STRN: variants seen among roughly 807,000 people sequenced by gnomAD.
STRN encodes protein phosphatase 2 regulatory subunit B'''alpha.
A neutral mutation model predicts 96.3 loss-of-function variants in STRN; 53 were observed. The observed-to-expected ratio is 0.55, with a 90% CI of 0.44 to 0.69. The LOEUF is 0.69. Among genes scored for constraint, STRN ranks in the 30% least tolerant of loss-of-function variants. The pLI, the probability that STRN is intolerant of heterozygous loss-of-function variation, is 0.00. For missense variants in STRN, 987 were observed against 963.9 expected (o/e 1.02, Z -0.32); for synonymous variants, 428 against 355.9 (o/e 1.20, Z -2.28).
intron 2 of STRN, among the ~76,000 whole-genome samples, chr2:36,923,399 C>T (rs577178948): frequency 7.0e-6 from 1 of 143,642 alleles, no homozygotes; most frequent in East Asian, 2.1e-4. Context: ...TGCAGTAAGC[C>T]GAGATCACAC....
At chr2:36,899,436 A>G (rs776956566) in intron 6 of STRN, 87 bp downstream of exon 6, 2 of 1,244,602 alleles carry the variant, frequency 1.6e-6, no homozygotes, top group Non-Finnish European at 2.1e-6. Context: ...ACGGGTTAAG[A>G]TTAAAGAACA....
Position 36,956,213 on chromosome 2 carries a change from C to T in STRN, c.234+10017G>A, listed in dbSNP as rs555427619. Among the ~76,000 whole-genome samples, 8 of 152,286 alleles carry T rather than the reference C, an allele frequency of 5.3e-5. No homozygotes were observed. The East Asian group carries it at 1.5e-3, about 29-fold the overall frequency. ...ACTTATATAAATAATAAATCTAATG[C>T]CTTCTGTCCATAGAAATCTCAACCA... On this transcript the variant is annotated intron_variant, in intron 1 of 17. Coordinates refer to ENST00000263918, the MANE Select transcript of STRN (RefSeq NM_003162.4).
intron 10 of STRN, among the ~76,000 whole-genome samples, chr2:36,876,386 G>T (rs1460563812): frequency 1.3e-5 from 2 of 152,100 alleles, no homozygotes; most frequent in African/African-American, 2.4e-5. Context: ...AGAAAAAAAT[G>T]GACCAGGATA....
At chr2:36,925,073 A>G in intron 2 of STRN, 32 bp downstream of exon 2, 1 of 1,582,314 alleles carries the variant, frequency 6.3e-7, no homozygotes, top group Non-Finnish European at 8.7e-7. Context: ...AATAAACAAA[A>G]AAGAACACCA....
intron 1 of STRN, among the ~76,000 whole-genome samples, chr2:36,955,788 G>A (rs1403697090): frequency 1.3e-5 from 2 of 152,066 alleles, no homozygotes; most frequent in Non-Finnish European, 2.9e-5. Context: ...GAAATGCTCG[G>A]GACCAGAAGT....
intron 7 of STRN, among the ~76,000 whole-genome samples, chr2:36,889,645 A>T (rs958625683): frequency 3.3e-5 from 5 of 151,510 alleles, no homozygotes; most frequent in African/African-American, 9.7e-5. Context: ...AGTAGAGTAG[A>T]AGACAGATGG....
rs754613225 is a variant in STRN, at chr2:36,839,973, A to G, written c.*9483T>C. The G allele has an allele frequency of 2.0e-5, 3 of 152,208 alleles. No individual in the cohort carries two copies. The highest frequency in any genetic ancestry group is 6.5e-5 in the Admixed American group (1 of 15,270). The allele number at this position is 152,208 out of a possible 1,614,324, so 9.4% of individuals were successfully genotyped here. A position where few individuals can be genotyped will look rare whatever the true frequency, so the allele number is the denominator to read the frequency against. On this transcript the variant is annotated 3_prime_UTR_variant, in exon 18 of 18. Coordinates refer to ENST00000263918, the MANE Select transcript of STRN (RefSeq NM_003162.4). ...GACAGAGATGTTCCTAGGAGAGTTAATAAACATTGGTACAATTACTATAAA... is the reference window on the plus strand; with the variant it reads ...GACAGAGATGTTCCTAGGAGAGTTAGTAAACATTGGTACAATTACTATAAA...
intron 5 of STRN, 117 bp downstream of exon 5, chr2:36,902,464 TTTA>T: frequency 1.0e-5 from 6 of 584,868 alleles, no homozygotes; most frequent in Non-Finnish European, 1.4e-5. Flanking sequence ...TGTTAGAATT[TTTA>T]TTAAGTTATA....
Position 36,966,452 on chromosome 2 carries a change from C to G in STRN, c.12G>C (p.Gln4His). 1 of 1,463,354 alleles carries G rather than the reference C, an allele frequency of 6.8e-7. No individual in the cohort carries two copies. The highest frequency in any genetic ancestry group is 9.0e-7 in the Non-Finnish European group (1 of 1,109,368). The allele number at this position is 1,463,354 out of a possible 1,614,324, so 90.6% of individuals were successfully genotyped here. Residue 4 changes from glutamine (Q) to histidine (H), a missense_variant, in exon 1 of 18, where the codon CAG (glutamine) becomes CAC (histidine). By Grantham distance (24) the Gln-to-His change is conservative. Coordinates refer to ENST00000263918, the MANE Select transcript of STRN (RefSeq NM_003162.4). ...TGCTGAAGAAGACGCCGGGACCCGC[C>G]TGCTCGTCCATGGCGGCCGCAGATA... MDE[Q>H]AGPGVFFSNN...
chr2:36,849,513 T>C lies in STRN; in HGVS notation c.2286A>G (p.Pro762=), dbSNP rs200126671. The change falls in exon 18 of 18, where the codon CCA becomes CCG. Residue 762 remains proline (P), a synonymous_variant. Coordinates refer to ENST00000263918, the MANE Select transcript of STRN (RefSeq NM_003162.4). ...CAGCACTGGCTATATAGCATTTGGA[T>C]GGGTGGAAAGCTACATCATGAATCG... ...EESIHDVAFH[P]SKCYIASAGA... 2.7e-5 allele frequency: 44 copies of C among 1,614,124 alleles called. No homozygotes were observed. The East Asian group carries it at 8.5e-4, about 31-fold the overall frequency.
chr2:36,883,118 T>C (rs1255063210), intron 9 of STRN, among the ~76,000 whole-genome samples: 1 of 152,194 alleles, frequency 6.6e-6, no homozygotes, highest in South Asian at 2.1e-4. Flanking sequence ...TGTAGAATAA[T>C]GCATATTTTT....
intron 1 of STRN, among the ~76,000 whole-genome samples, chr2:36,951,052 C>A (rs1005352399): frequency 1.3e-5 from 2 of 151,980 alleles, no homozygotes; most frequent in African/African-American, 4.8e-5. Flanking sequence ...TAAGATTTAT[C>A]TACAAGAAAA....
chr2:36,841,130 G>A lies in STRN; in HGVS notation c.*8326C>T, dbSNP rs987255301. ...GTGATTAGTAGATGTGTATTCCTACGTATTCTACAGCAATGAGAAATAAGG... is the reference window on the plus strand; with the variant it reads ...GTGATTAGTAGATGTGTATTCCTACATATTCTACAGCAATGAGAAATAAGG... On this transcript the variant is annotated 3_prime_UTR_variant, in exon 18 of 18. Transcript: ENST00000263918. The A allele has an allele frequency of 6.7e-6, 1 of 149,768 alleles. No individual in the cohort carries two copies. Among genetic ancestry groups the A allele is most frequent in the African/African-American group, 2.5e-5 (1 of 40,682 alleles). The allele number at this position is 149,768 out of a possible 1,614,324, so 9.3% of individuals were successfully genotyped here. A position where few individuals can be genotyped will look rare whatever the true frequency, so the allele number is the denominator to read the frequency against.
At position 36,838,209 on chromosome 2, in the gene STRN, C is replaced by G. The variant is rs1217068243; in HGVS notation, c.*11247G>C. On this transcript the variant is annotated 3_prime_UTR_variant, in exon 18 of 18. Coordinates refer to ENST00000263918, the MANE Select transcript of STRN (RefSeq NM_003162.4). ...GGGACCACGTGCAAGGACCACGGAG[C>G]AACCTCTAAAGGATCAGATTTGACA... Among the ~76,000 whole-genome samples the G allele has an allele frequency of 1.3e-5, 2 of 152,200 alleles. No individual in the cohort carries two copies. Among genetic ancestry groups the G allele is most frequent in the African/African-American group, 2.4e-5 (1 of 41,448 alleles).
rs1374309589 is a variant in STRN, at chr2:36,861,191, T to C, written c.1610A>G (p.Asp537Gly). The change falls in exon 13 of 18, where the codon GAT becomes GGT. Residue 537 changes from aspartate to glycine, a missense_variant. Asp to Gly is a moderately conservative substitution (Grantham distance 94). Transcript: ENST00000263918. ...GGTATTCCAGCCCTGGATCAGTCCA[T>C]CAGTACCACCACTGTAACACTGCTC... ...NGEQCYSGGT[D>G]GLIQGWNTTN... 6.2e-7 allele frequency: 1 copy of C among 1,614,056 alleles called. No individual in the cohort carries two copies. Among genetic ancestry groups the C allele is most frequent in the South Asian group, 1.1e-5 (1 of 91,076 alleles).
intron 7 of STRN, among the ~76,000 whole-genome samples, chr2:36,889,843 C>A (rs1373176667): frequency 6.6e-6 from 1 of 152,126 alleles, no homozygotes; most frequent in African/African-American, 2.4e-5. Context: ...ACTAACAGAA[C>A]TATCCAGCAC....
rs1158351283 is a variant in STRN, at chr2:36,843,705, T to C, written c.*5751A>G. 6.6e-6 allele frequency: 1 copy of C among 152,148 alleles called. No homozygotes were observed. The allele number at this position is 152,148 out of a possible 1,614,324, so 9.4% of individuals were successfully genotyped here. A position where few individuals can be genotyped will look rare whatever the true frequency, so the allele number is the denominator to read the frequency against. On this transcript the variant is annotated 3_prime_UTR_variant, in exon 18 of 18. Transcript: ENST00000263918. Reference sequence around the variant, plus strand: ...CAACTCCTCCCCCAAAAGCCCCAAATCAGACTATGTTAATTTAACTGATTA... The same window carrying C: ...CAACTCCTCCCCCAAAAGCCCCAAACCAGACTATGTTAATTTAACTGATTA...
In STRN at chr2:36,900,521, T is replaced by A. The variant is rs533826461; in HGVS notation, c.660-863A>T. Among the ~76,000 whole-genome samples, 22 of 152,322 alleles carry A rather than the reference T, an allele frequency of 1.4e-4. No homozygotes were observed. In the South Asian group the frequency reaches 4.6e-3, roughly 32 times the overall value. ...TTGCTACTAGACTCGACCCTGTTGA[T>A]TAATAAGCCATTAATCTCTTAGAAA... On this transcript the variant is annotated intron_variant, in intron 5 of 17. Coordinates refer to ENST00000263918, the MANE Select transcript of STRN (RefSeq NM_003162.4).
At position 36,908,074 on chromosome 2, in the gene STRN, C is replaced by T. The variant is rs72873817; in HGVS notation, c.413-2456G>A. Among the ~76,000 whole-genome samples, 4 of 152,234 alleles carry T rather than the reference C, an allele frequency of 2.6e-5. No individual in the cohort carries two copies. The South Asian group carries it at 6.2e-4, about 24-fold the overall frequency. On this transcript the variant is annotated intron_variant, in intron 3 of 17. Transcript: ENST00000263918. Reference sequence around the variant, plus strand: ...ACAAATACATCTTGTTTCCACTGACCGCAAATTCAGGATCTGTGCAGGTAA... The same window carrying T: ...ACAAATACATCTTGTTTCCACTGACTGCAAATTCAGGATCTGTGCAGGTAA...
Sources: allele counts gnomAD v4.1 joint callset (sites outside exome capture counted in the v4.1 genomes callset), GRCh38; gene constraint gnomAD v4.1.1; transcripts MANE v1.5; gene names NCBI Gene and HGNC (gene_info 2026-07-23, HGNC 2026-07-21).